Variants in RNF180 observed in about 807,000 individuals in gnomAD.
RNF180 encodes the protein E3 ubiquitin-protein ligase RNF180.
Under a neutral mutation model 59.2 loss-of-function variants are expected in RNF180, and 38 were observed. That is an observed-to-expected ratio of 0.64 (90% CI 0.50 to 0.84). The LOEUF is 0.84. Ranked by LOEUF, RNF180 falls within the 40% of genes least tolerant of loss-of-function variation. The pLI is 0.00. For missense variants in RNF180, 705 were observed against 700.9 expected, an observed-to-expected ratio of 1.01 and a Z score of -0.07; for synonymous variants, 262 against 240.3, an observed-to-expected ratio of 1.09 and a Z score of -0.84.
chr5:64,305,229 G>A (rs1743378894), intron 5 of RNF180, among the ~76,000 whole-genome samples: 1 of 151,520 alleles, frequency 6.6e-6, no homozygotes, highest in African/African-American at 2.4e-5. Context: ...TCTCCAAGGT[G>A]TAGGTATACT....
intron 5 of RNF180, among the ~76,000 whole-genome samples, chr5:64,284,607 C>A (rs1742185546): frequency 6.6e-6 from 1 of 152,166 alleles, no homozygotes; most frequent in South Asian, 2.1e-4. Context: ...CTTTCCTGAA[C>A]CTTATCTATT....
chr5:64,174,768 T>C (rs1232483224), intron 1 of RNF180, among the ~76,000 whole-genome samples: 1 of 152,092 alleles, frequency 6.6e-6, no homozygotes, highest in Non-Finnish European at 1.5e-5. Context: ...GATTGTGTCC[T>C]TTGGTGTGCA....
intron 1 of RNF180, among the ~76,000 whole-genome samples, chr5:64,168,833 C>T (rs574972839): frequency 5.9e-5 from 9 of 152,136 alleles, no homozygotes; most frequent in East Asian, 3.9e-4. Flanking sequence ...GAAAAAATTT[C>T]GACAAATTTA....
At chr5:64,317,758 T>A (rs113149540) in intron 5 of RNF180, among the ~76,000 whole-genome samples, 65 of 151,670 alleles carry the variant, frequency 4.3e-4, no homozygotes, top group African/African-American at 1.3e-3. Flanking sequence ...ACACATATGC[T>A]CCTCAATTTT....
At position 64,372,257 on chromosome 5, in the gene RNF180, G is replaced by C. The variant is rs1040703330; in HGVS notation, c.*2443G>C. On this transcript the variant is annotated 3_prime_UTR_variant, in exon 8 of 8. Coordinates refer to ENST00000389100, the MANE Select transcript of RNF180 (RefSeq NM_001113561.2). The stretch of plus-strand genomic sequence containing the variant: ...CAGGTTATTTTTTAATTTTAAAAAA[G>C]CAAATTCACAAACCTAGACCCATTT... 1 of 151,512 alleles carries C rather than the reference G, an allele frequency of 6.6e-6. No individual in the cohort carries two copies. Among genetic ancestry groups the C allele is most frequent in the Non-Finnish European group, 1.5e-5 (1 of 67,768 alleles). The allele number at this position is 151,512 out of a possible 1,614,324, so 9.4% of individuals were successfully genotyped here.
intron 5 of RNF180, among the ~76,000 whole-genome samples, chr5:64,268,544 A>G (rs1190539936): frequency 1.3e-5 from 2 of 152,178 alleles, no homozygotes; most frequent in East Asian, 3.9e-4. Context: ...CATTTCTAAT[A>G]CTACCAGCTA....
chr5:64,179,359 C>T (rs773367046), intron 1 of RNF180, among the ~76,000 whole-genome samples: 11 of 151,874 alleles, frequency 7.2e-5, no homozygotes, highest in Non-Finnish European at 1.2e-4. Flanking sequence ...AAATTTAAGC[C>T]CCCTTTGGTT....
intron 1 of RNF180, among the ~76,000 whole-genome samples, chr5:64,171,957 G>A (rs975682458): frequency 2.6e-5 from 4 of 152,130 alleles, no homozygotes; most frequent in Non-Finnish European, 4.4e-5. Flanking sequence ...ACAGAGTTGG[G>A]TAACATCTTT....
At chr5:64,350,440 T>C (rs1361244722) in intron 7 of RNF180, among the ~76,000 whole-genome samples, 1 of 152,192 alleles carries the variant, frequency 6.6e-6, no homozygotes, top group Non-Finnish European at 1.5e-5. Flanking sequence ...ATTTTCGCTT[T>C]TGTTGCCATT....
chr5:64,195,221 G>A (rs1751396650), intron 1 of RNF180, among the ~76,000 whole-genome samples: 1 of 152,060 alleles, frequency 6.6e-6, no homozygotes, highest in Non-Finnish European at 1.5e-5. Flanking sequence ...ACATATTGGG[G>A]GTAGAGTGTC....
At chr5:64,254,508 G>A (rs1206745927) in intron 5 of RNF180, among the ~76,000 whole-genome samples, 8 of 152,078 alleles carry the variant, frequency 5.3e-5, no homozygotes, top group South Asian at 2.1e-4. Context: ...AGAATATTAT[G>A]TTTAAAAATT....
intron 5 of RNF180, among the ~76,000 whole-genome samples, chr5:64,320,835 G>A (rs775345603): frequency 1.6e-4 from 25 of 152,224 alleles, no homozygotes; most frequent in Admixed American, 3.9e-4. Flanking sequence ...TCAGGAGTTC[G>A]AGACCATCCT....
At chr5:64,365,257 T>C (rs1001014775) in intron 7 of RNF180, among the ~76,000 whole-genome samples, 5 of 151,738 alleles carry the variant, frequency 3.3e-5, no homozygotes, top group African/African-American at 1.2e-4. Flanking sequence ...CTTAATTTCA[T>C]TATTTGCCCA....
At chr5:64,216,609 A>G (rs2968294) in intron 4 of RNF180, among the ~76,000 whole-genome samples, 68,555 of 152,102 alleles carry the variant, frequency 0.45, 16,917 homozygotes, top group African/African-American at 0.66. Context: ...ATCTTTCAGT[A>G]ATCTATGCCA....
At chr5:64,235,606 G>A (rs554916322) in intron 5 of RNF180, among the ~76,000 whole-genome samples, 4 of 151,482 alleles carry the variant, frequency 2.6e-5, no homozygotes, top group South Asian at 2.1e-4. Context: ...AGACAACACC[G>A]TATTGAAGTT....
At chr5:64,265,751 A>G (rs1744630682) in intron 5 of RNF180, among the ~76,000 whole-genome samples, 1 of 152,110 alleles carries the variant, frequency 6.6e-6, no homozygotes, top group Non-Finnish European at 1.5e-5. Flanking sequence ...AGTTTTTTCT[A>G]ATTCTGTGAA....
At chr5:64,279,965 C>T (rs542684542) in intron 5 of RNF180, among the ~76,000 whole-genome samples, 18 of 152,152 alleles carry the variant, frequency 1.2e-4, no homozygotes, top group South Asian at 2.1e-4. Context: ...TGGTGGTGCA[C>T]GCCTGTAGTC....
intron 2 of RNF180, among the ~76,000 whole-genome samples, chr5:64,203,968 G>A (rs1036942063): frequency 2.6e-5 from 4 of 152,218 alleles, no homozygotes; most frequent in Non-Finnish European, 5.9e-5. Flanking sequence ...TATCAGTACT[G>A]TGCTGAAAGG....
At position 64,214,514 on chromosome 5, in the gene RNF180, G is replaced by A. The variant is rs1752512368; in HGVS notation, c.1188G>A (p.Lys396=). 2 of 1,610,764 alleles carry A rather than the reference G, an allele frequency of 1.2e-6. No homozygotes were observed. The highest frequency in any genetic ancestry group is 8.5e-7 in the Non-Finnish European group (1 of 1,178,016). The change falls in exon 4 of 8, where the codon AAG becomes AAA. Residue 396 remains lysine (K), a synonymous_variant. Transcript: ENST00000389100. ...GAAGGCGTGAAAGATGGCTACAGAA[G>A]CAGGTAATATTTTTCAAAAGAGTTT... The part of the protein sequence containing the change: ...KQRRRERWLQ[K]QGKYSGVGLL...
Sources: gnomAD v4.1 joint callset for allele counts (sites outside exome capture counted in the v4.1 genomes callset) on GRCh38, gnomAD v4.1.1 for gene constraint, MANE v1.5 for transcripts, NCBI Gene and HGNC (gene_info 2026-07-23, HGNC 2026-07-21) for gene names.